Variants in ZNF114 observed in about 807,000 individuals in gnomAD.
ZNF114 encodes the protein zinc finger protein 114, also known as zinc finger protein 114 (Y18).
ZNF114 carries 8 observed loss-of-function variants against 6.8 expected under a neutral mutation model. The observed-to-expected ratio is 1.18, with a 90% CI of 0.69 to 2.13. The LOEUF is 2.13. Among genes scored for constraint, ZNF114 ranks in the 30% most tolerant of loss-of-function variants. The pLI is 0.00. For missense variants in ZNF114, 472 were observed against 519.5 expected (o/e 0.91, Z 0.89); for synonymous variants, 169 against 185.5 (o/e 0.91, Z 0.72).
rs1377425918 is a variant in ZNF114, at chr19:48,276,062, A to G, written c.-69-3669A>G. 2.3e-4 allele frequency among the ~76,000 whole-genome samples: 32 copies of G among 138,602 alleles called. 1 individual carries two copies. Among genetic ancestry groups the G allele is most frequent in the African/African-American group, 7.2e-4 (27 of 37,662 alleles). The allele number at this position is 138,602 out of a possible 152,430, so 90.9% of individuals were successfully genotyped here. ...GTGGGGTAGTTTCTGGAGGTGAGAG[A>G]GCCTCTTACCTCTTTTTTTTTTTTT... On this transcript the variant is annotated intron_variant, in intron 3 of 5. Coordinates refer to ENST00000595607, the MANE Select transcript of ZNF114 (RefSeq NM_153608.4).
intron 3 of ZNF114, among the ~76,000 whole-genome samples, chr19:48,278,467 T>G (rs1967905308): frequency 6.6e-6 from 1 of 152,114 alleles, no homozygotes; most frequent in South Asian, 2.1e-4. Context: ...TACACTGTGG[T>G]CTTTTGTGTC....
At chr19:48,271,090 G>A (rs1967644251) in intron 1 of ZNF114, 155 bp from the exon 2 acceptor site, 1 of 152,002 alleles carries the variant, frequency 6.6e-6, no homozygotes, top group Admixed American at 6.6e-5. Context: ...AGAAAGGAAG[G>A]AAGGAAGAAA....
Position 48,279,810 on chromosome 19 carries a change from T to A in ZNF114, c.9+2T>A, listed in dbSNP as rs1297998684. The A allele has an allele frequency of 6.2e-7, 1 of 1,613,880 alleles. No homozygotes were observed. The highest frequency in any genetic ancestry group is 1.1e-5 in the South Asian group (1 of 91,074). ...ACGTTGGTGACAAATATGTCCCAGGTAAGTTGGCAGCTCACCCTCTCCCAG... is the reference window on the plus strand; with the variant it reads ...ACGTTGGTGACAAATATGTCCCAGGAAAGTTGGCAGCTCACCCTCTCCCAG... On this transcript the variant is annotated splice_donor_variant, in intron 4 of 5. Coordinates refer to ENST00000595607, the MANE Select transcript of ZNF114 (RefSeq NM_153608.4). LOFTEE classifies it high-confidence loss of function.
At chr19:48,277,436 A>C (rs11880433) in intron 3 of ZNF114, among the ~76,000 whole-genome samples, 67,093 of 152,070 alleles carry the variant, frequency 0.44, 15,778 homozygotes, top group East Asian at 0.56. Context: ...TTCTTATTGG[A>C]AAGGCAAAGT....
At chr19:48,283,153 T>C (rs1368585695) in intron 5 of ZNF114, among the ~76,000 whole-genome samples, 1 of 152,138 alleles carries the variant, frequency 6.6e-6, no homozygotes, top group African/African-American at 2.4e-5. Context: ...GTATCTGGGA[T>C]TACAGGCATG....
rs547308041 is a variant in ZNF114 at position 48,274,036 on chromosome 19, C to T, written c.-70+2208C>T. ...CCTCCCAAGGTGCTGGGATTACAGG[C>T]GTGAGCCACCGTGCCTGGCCAATAT... On this transcript the variant is annotated intron_variant, in intron 3 of 5. Transcript: ENST00000595607. Among the ~76,000 whole-genome samples, 170 of 151,370 alleles carry T rather than the reference C, an allele frequency of 1.1e-3. 4 individuals are homozygous for T. In the South Asian group the frequency reaches 0.035, roughly 31 times the overall value.
rs373344866 is a variant in ZNF114, at chr19:48,282,445, G to C, written c.84G>C (p.Arg28Ser). 3.7e-6 allele frequency: 6 copies of C among 1,613,256 alleles called. No individual in the cohort carries two copies. The African/African-American group carries it at 8.0e-5, about 22-fold the overall frequency. The change falls in exon 5 of 6, where the codon AGG (arginine) becomes AGC (serine). Residue 28 changes from arginine (R) to serine (S), a missense_variant. Physicochemically the swap from Arg to Ser is moderately radical, Grantham distance 110. Transcript: ENST00000595607. ...EEWTLLDPAQ[R>S]NLYRDVMLEN... ...GGACCCTGCTGGACCCAGCTCAGAG[G>C]AATCTCTACAGAGACGTGATGCTGG... is the stretch of plus-strand genomic sequence containing the variant.
In ZNF114 at chr19:48,281,156, C is replaced by A. The variant is rs145899288; in HGVS notation, c.10-1215C>A. On this transcript the variant is annotated intron_variant, in intron 4 of 5. Coordinates refer to ENST00000595607, the MANE Select transcript of ZNF114 (RefSeq NM_153608.4). The stretch of plus-strand genomic sequence containing the variant: ...AGACCCTGTCTCAGAAGAAAGAGCA[C>A]CTGAGTCATACGACCGGACGTCAGT... 2.0e-5 allele frequency among the ~76,000 whole-genome samples: 3 copies of A among 152,230 alleles called. No homozygotes were observed. The East Asian group carries it at 5.8e-4, about 29-fold the overall frequency.
At chr19:48,274,714 C>G (rs777128853) in intron 3 of ZNF114, among the ~76,000 whole-genome samples, 4 of 151,752 alleles carry the variant, frequency 2.6e-5, no homozygotes, top group Non-Finnish European at 5.9e-5. Flanking sequence ...CCATGTTGGT[C>G]AGGCTGACCT....
chr19:48,282,382 CTTCGCAGACG>C lies in ZNF114; in HGVS notation c.23_32del (p.Phe8TrpfsTer3). On this transcript the variant is annotated frameshift_variant, in exon 5 of 6. Transcript: ENST00000595607. LOFTEE classifies it high-confidence loss of function. Reference sequence around the variant, plus strand: ...ATGTGTTATTTTAGGACTCGGTGACCTTCGCAGACGTGGCTGTGAACTTCACCAAAGAGGA... The same window carrying C: ...ATGTGTTATTTTAGGACTCGGTGACCTGGCTGTGAACTTCACCAAAGAGGA... 2.5e-6 allele frequency: 4 copies of C among 1,612,730 alleles called. No homozygotes were observed. The highest frequency in any genetic ancestry group is 3.4e-6 in the Non-Finnish European group (4 of 1,179,376).
intron 3 of ZNF114, among the ~76,000 whole-genome samples, chr19:48,275,995 C>G (rs575476509): frequency 6.8e-6 from 1 of 146,646 alleles, no homozygotes; most frequent in African/African-American, 2.5e-5. Context: ...AAAAAAAAAG[C>G]TATAATGGCT....
rs1968136014 is a variant in ZNF114, at chr19:48,286,541, G to T, written c.917G>T (p.Cys306Phe). The T allele has an allele frequency of 1.2e-6, 2 of 1,614,164 alleles. No individual in the cohort carries two copies. The highest frequency in any genetic ancestry group is 8.5e-7 in the Non-Finnish European group (1 of 1,180,014). ...SHCTGEKTHK[C>F]PECGRAFFYQ... Reference sequence around the variant, plus strand: ...TGCACTGGAGAGAAAACCCATAAATGCCCCGAATGTGGGAGAGCCTTTTTT... The same window carrying T: ...TGCACTGGAGAGAAAACCCATAAATTCCCCGAATGTGGGAGAGCCTTTTTT... The change falls in exon 6 of 6, where the codon TGC (cysteine) becomes TTC (phenylalanine). Residue 306 changes from cysteine to phenylalanine, a missense_variant. Coordinates refer to ENST00000595607, the MANE Select transcript of ZNF114 (RefSeq NM_153608.4).
chr19:48,272,972 T>C (rs1600834748), intron 3 of ZNF114, among the ~76,000 whole-genome samples: 3 of 152,112 alleles, frequency 2.0e-5, no homozygotes, highest in African/African-American at 7.2e-5. Context: ...ATTTTTTGTA[T>C]TTTTAGTAGA....
intron 3 of ZNF114, 40 bp from the exon 4 acceptor site, chr19:48,279,691 C>G (rs1967941607): frequency 1.4e-6 from 2 of 1,431,296 alleles, no homozygotes; most frequent in African/African-American, 1.4e-5. Context: ...GTGGGGAAGG[C>G]AGGGTGCCTG....
chr19:48,274,496 ATATATATATATTTTTT>A (rs1313541518), intron 3 of ZNF114, among the ~76,000 whole-genome samples: 29 of 90,612 alleles, frequency 3.2e-4, no homozygotes, highest in Non-Finnish European at 4.1e-4. Flanking sequence ...ATATATATAT[ATATATATATATTTTTT>A]TTTTTTTTTT....
At chr19:48,275,267 A>AAGGG (rs1373088965) in intron 3 of ZNF114, among the ~76,000 whole-genome samples, 2 of 129,148 alleles carry the variant, frequency 1.5e-5, no homozygotes, top group Admixed American at 1.6e-4. Flanking sequence ...AAGAGAGAGG[A>AAGGG]AGGGAGGGAG....
chr19:48,277,255 G>A (rs1041855358), intron 3 of ZNF114, among the ~76,000 whole-genome samples: 3 of 152,130 alleles, frequency 2.0e-5, no homozygotes, highest in Admixed American at 1.3e-4. Context: ...AGCTGAGGCA[G>A]GAGAATCACT....
At chr19:48,285,091 C>T (rs557402662) in intron 5 of ZNF114, among the ~76,000 whole-genome samples, 5 of 152,220 alleles carry the variant, frequency 3.3e-5, no homozygotes, top group Non-Finnish European at 7.3e-5. Flanking sequence ...CTGACCTTAC[C>T]GTCATCACAT....
intron 3 of ZNF114, among the ~76,000 whole-genome samples, chr19:48,274,504 ATATTTTTTTTTTTTT>A (rs1401765076): frequency 8.4e-5 from 1 of 11,840 alleles, no homozygotes; most frequent in African/African-American, 2.5e-4. Context: ...ATATATATAT[ATATTTTTTTTTTTTT>A]TTTTGAGACA....
Sources: allele counts gnomAD v4.1 joint callset (sites outside exome capture counted in the v4.1 genomes callset), GRCh38; gene constraint gnomAD v4.1.1; transcripts MANE v1.5; gene names NCBI Gene and HGNC (gene_info 2026-07-23, HGNC 2026-07-21).